Variants in SLC7A14 observed in about 807,000 individuals in gnomAD.
The protein encoded by SLC7A14 is gamma-aminobutyric acid transporter SLC7A14.
SLC7A14 carries 37 observed loss-of-function variants against 60.2 expected under a neutral mutation model. The observed-to-expected ratio is 0.61, with a 90% CI of 0.47 to 0.81. The LOEUF is 0.81. Ranked by LOEUF, SLC7A14 falls within the 30% of genes least tolerant of loss-of-function variation. The pLI is 0.00. For missense variants in SLC7A14, 886 were observed against 982.7 expected (o/e 0.90, Z 1.32); for synonymous variants, 399 against 395.8 (o/e 1.01, Z -0.10).
intron 1 of SLC7A14, among the ~76,000 whole-genome samples, chr3:170,570,602 T>C (rs1714922510): frequency 6.6e-6 from 1 of 152,118 alleles, no homozygotes; most frequent in Admixed American, 6.5e-5. Flanking sequence ...TTCTGAAAAT[T>C]GGAAACAAAT....
chr3:170,548,773 T>TGA (rs1181329254), intron 1 of SLC7A14, among the ~76,000 whole-genome samples: 17 of 152,264 alleles, frequency 1.1e-4, no homozygotes, highest in African/African-American at 4.1e-4. Context: ...GGTCTCACTC[T>TGA]GAGCATCACT....
At position 170,480,679 on chromosome 3, in the gene SLC7A14, T is replaced by A. The variant is rs1425460956; in HGVS notation, c.1603A>T (p.Lys535Ter). The A allele has an allele frequency of 6.2e-6, 10 of 1,614,274 alleles. No individual in the cohort carries two copies. Among genetic ancestry groups the A allele is most frequent in the Non-Finnish European group, 8.5e-6 (10 of 1,180,048 alleles). The change falls in exon 7 of 8, where the codon AAG (lysine) becomes TAG (stop). Residue 535 changes from lysine (K) to a stop codon, truncating the protein, a stop_gained. Transcript: ENST00000231706. LOFTEE classifies it high-confidence loss of function. ...GTGTAATAATGAGGCCCAATCAGCT[T>A]CTTTAACTTGATGAGATAAATATTT... ...SENIYLIKLK[K>*]LIGPHYYTMR...
chr3:170,580,412 G>T (rs1316511305), intron 1 of SLC7A14, among the ~76,000 whole-genome samples: 1 of 152,148 alleles, frequency 6.6e-6, no homozygotes, highest in Non-Finnish European at 1.5e-5. Flanking sequence ...TTTCCAAGAG[G>T]TAAACAAGTC....
chr3:170,523,600 T>G (rs1258842186), intron 2 of SLC7A14, among the ~76,000 whole-genome samples: 1 of 152,198 alleles, frequency 6.6e-6, no homozygotes, highest in Non-Finnish European at 1.5e-5. Flanking sequence ...AACTTTCTCT[T>G]TACTTCATTC....
chr3:170,579,437 T>A (rs1715179428), intron 1 of SLC7A14, among the ~76,000 whole-genome samples: 1 of 152,214 alleles, frequency 6.6e-6, no homozygotes, highest in South Asian at 2.1e-4. Context: ...CATGGAAAAA[T>A]TTTTTTAAAA....
chr3:170,511,187 C>T (rs933186709), intron 2 of SLC7A14, among the ~76,000 whole-genome samples: 6 of 151,998 alleles, frequency 3.9e-5, no homozygotes, highest in East Asian at 1.9e-4. Context: ...GTGGATCACT[C>T]GGGAGTTCGA....
intron 1 of SLC7A14, among the ~76,000 whole-genome samples, chr3:170,581,417 C>T (rs1715231917): frequency 6.6e-6 from 1 of 152,082 alleles, no homozygotes; most frequent in Non-Finnish European, 1.5e-5. Context: ...CTGTTCCAAA[C>T]AACTTAGATT....
At chr3:170,526,087 A>T (rs1338903993) in intron 2 of SLC7A14, among the ~76,000 whole-genome samples, 1 of 141,396 alleles carries the variant, frequency 7.1e-6, no homozygotes, top group Non-Finnish European at 1.5e-5. Context: ...AAAAAAAAAA[A>T]CCCAGAAAAC....
rs1427728435 is a variant in SLC7A14, at chr3:170,568,316, T to C, written c.-153+17595A>G. Reference sequence around the variant, plus strand: ...TCAGGTTTGTCAAAGATCAGATAGTTGTAGATATGCGGTGTTATTTCTGAG... The same window carrying C: ...TCAGGTTTGTCAAAGATCAGATAGTCGTAGATATGCGGTGTTATTTCTGAG... On this transcript the variant is annotated intron_variant, in intron 1 of 7. Coordinates refer to ENST00000231706, the MANE Select transcript of SLC7A14 (RefSeq NM_020949.3). Among the ~76,000 whole-genome samples the C allele has an allele frequency of 8.5e-5, 13 of 152,338 alleles. No individual in the cohort carries two copies. In the East Asian group the frequency reaches 2.5e-3, roughly 29 times the overall value.
intron 1 of SLC7A14, among the ~76,000 whole-genome samples, chr3:170,528,207 T>C (rs1713567495): frequency 6.6e-6 from 1 of 152,184 alleles, no homozygotes. Context: ...TTCAGGATAC[T>C]AAAAGGAGGT....
intron 1 of SLC7A14, among the ~76,000 whole-genome samples, chr3:170,528,125 C>T (rs147490595): frequency 1.2e-3 from 176 of 152,130 alleles, no homozygotes; most frequent in African/African-American, 4.0e-3. Flanking sequence ...CATTTGACAC[C>T]GTCATTTGGA....
chr3:170,517,620 A>G (rs1388377554), intron 2 of SLC7A14, among the ~76,000 whole-genome samples: 2 of 152,224 alleles, frequency 1.3e-5, no homozygotes, highest in African/African-American at 4.8e-5. Context: ...TTTGATCATG[A>G]AACTCAAACC....
chr3:170,581,891 T>C (rs1040081242), intron 1 of SLC7A14, among the ~76,000 whole-genome samples: 1 of 152,120 alleles, frequency 6.6e-6, no homozygotes, highest in African/African-American at 2.4e-5. Context: ...CTTATATTCT[T>C]TCCATGTCTA....
chr3:170,519,705 G>A (rs1461172118), intron 2 of SLC7A14, among the ~76,000 whole-genome samples: 3 of 152,224 alleles, frequency 2.0e-5, no homozygotes, highest in African/African-American at 7.2e-5. Flanking sequence ...GAACTGGGGA[G>A]GTGTAGGTTG....
At chr3:170,547,100 T>C (rs1421477964) in intron 1 of SLC7A14, among the ~76,000 whole-genome samples, 1 of 152,012 alleles carries the variant, frequency 6.6e-6, no homozygotes, top group Non-Finnish European at 1.5e-5. Context: ...GATGTAAGAT[T>C]GTCAAGACAC....
At chr3:170,518,409 C>T (rs944016231) in intron 2 of SLC7A14, among the ~76,000 whole-genome samples, 1 of 152,186 alleles carries the variant, frequency 6.6e-6, no homozygotes, top group African/African-American at 2.4e-5. Flanking sequence ...GCCCTCCCTC[C>T]TTGTCCCTCA....
At chr3:170,534,714 G>T (rs2108297385) in intron 1 of SLC7A14, among the ~76,000 whole-genome samples, 1 of 152,200 alleles carries the variant, frequency 6.6e-6, no homozygotes, top group East Asian at 1.9e-4. Flanking sequence ...AAATTCATCT[G>T]CTTCCAACAC....
At chr3:170,481,339 C>T in intron 6 of SLC7A14, among the ~76,000 whole-genome samples, 173 bp from the exon 7 acceptor site, 1 of 152,030 alleles carries the variant, frequency 6.6e-6, no homozygotes, top group Non-Finnish European at 1.5e-5. Context: ...TATTCCTACC[C>T]CAGGATTTGG....
At chr3:170,502,573 TG>T (rs1198913381) in intron 2 of SLC7A14, among the ~76,000 whole-genome samples, 2 of 152,112 alleles carry the variant, frequency 1.3e-5, no homozygotes, top group East Asian at 3.9e-4. Flanking sequence ...TGTAAGAGGA[TG>T]TAGGAGGGAA....
Sources: allele counts gnomAD v4.1 joint callset (sites outside exome capture counted in the v4.1 genomes callset), GRCh38; gene constraint gnomAD v4.1.1; transcripts MANE v1.5; gene names NCBI Gene and HGNC (gene_info 2026-07-23, HGNC 2026-07-21).